The following MYDGF variants were observed in gnomAD, a reference collection of about 807,000 sequenced individuals.
The protein encoded by MYDGF is myeloid-derived growth factor.
In MYDGF, 29 loss-of-function variants were observed where a neutral mutation model predicts 24.2. That is an observed-to-expected ratio of 1.20 (90% confidence interval 0.89 to 1.63). MYDGF has a LOEUF of 1.63. Ranked by LOEUF, MYDGF falls within the 40% of genes most tolerant of loss-of-function variation. The pLI is 0.00. For synonymous variants in MYDGF, 105 were observed against 102.5 expected, an observed-to-expected ratio of 1.02 and a Z score of -0.15; for missense variants, 245 against 234.8, an observed-to-expected ratio of 1.04 and a Z score of -0.29.
chr19:4,659,157 C>G (rs1186157752), intron 5 of MYDGF, among the ~76,000 whole-genome samples: 1 of 152,072 alleles, frequency 6.6e-6, no homozygotes, highest in Non-Finnish European at 1.5e-5. Context: ...CTCAATGCAG[C>G]CTCGACCTCC....
At chr19:4,658,117 A>G in intron 5 of MYDGF, 33 bp from the exon 6 acceptor site, 1 of 1,582,950 alleles carries the variant, frequency 6.3e-7, no homozygotes, top group Non-Finnish European at 8.6e-7. Flanking sequence ...TGGGCCCTCA[A>G]CATTGAAAAT....
intron 5 of MYDGF, 147 bp downstream of exon 5, chr19:4,659,784 C>T (rs746935481): frequency 1.2e-4 from 88 of 709,536 alleles, no homozygotes; most frequent in Non-Finnish European, 1.9e-4. Context: ...AAGATATTGA[C>T]GAGGTGGCCT....
Position 4,670,187 on chromosome 19 carries a change from A to G in MYDGF, c.148T>C (p.Ser50Pro). 1 of 1,554,998 alleles carries G rather than the reference A, an allele frequency of 6.4e-7. No homozygotes were observed. ...CCCGGGCCCACGTTATGGGAGAAGG[A>G]ATGCACGACGCCGCCGGGCCGCACG... ...FDVRPGGVVH[S>P]FSHNVGPGDK... is the part of the protein sequence containing the mutation. Residue 50 changes from serine (S) to proline (P), a missense_variant, in exon 1 of 6, where the codon TCC (serine) becomes CCC (proline). Transcript: ENST00000262947.
chr19:4,662,173 G>C (rs1490959942), intron 3 of MYDGF, among the ~76,000 whole-genome samples: 3 of 152,126 alleles, frequency 2.0e-5, no homozygotes, highest in Non-Finnish European at 4.4e-5. Context: ...GGGCACGGCG[G>C]GACAACACCC....
At chr19:4,663,462 CCT>C (rs2088490966) in intron 3 of MYDGF, among the ~76,000 whole-genome samples, 1 of 126,568 alleles carries the variant, frequency 7.9e-6, no homozygotes, top group Non-Finnish European at 1.7e-5. Flanking sequence ...TCCAATCTAC[CCT>C]CCCCACCCCA....
chr19:4,657,770 C>G lies in MYDGF; in HGVS notation c.*235G>C, dbSNP rs565414922. ...CTGCGATCCTGAGTCCAGAAGAGCTCAGCAGGAAGTGGGAACTGAGAAGCT... is the reference window on the plus strand; with the variant it reads ...CTGCGATCCTGAGTCCAGAAGAGCTGAGCAGGAAGTGGGAACTGAGAAGCT... On this transcript the variant is annotated 3_prime_UTR_variant, in exon 6 of 6. Transcript: ENST00000262947. The G allele has an allele frequency of 1.6e-4, 66 of 410,684 alleles. No homozygotes were observed. The highest frequency in any genetic ancestry group is 2.5e-4 in the Non-Finnish European group (57 of 223,860). The allele number at this position is 410,684 out of a possible 1,614,324, so 25.4% of individuals were successfully genotyped here. A position where few individuals can be genotyped will look rare whatever the true frequency, so the allele number is the denominator to read the frequency against.
At chr19:4,660,556 C>T (rs1345985632) in intron 4 of MYDGF, 113 bp downstream of exon 4, 24 of 1,007,286 alleles carry the variant, frequency 2.4e-5, no homozygotes, top group South Asian at 7.2e-5. Context: ...CTGCAGGATT[C>T]GCTGTCCCCT....
rs1422270970 is a variant in MYDGF, at chr19:4,658,092, A to G, written c.443-8T>C. The stretch of plus-strand genomic sequence containing the variant: ...CCCCGGGCCTGTGAGCCACTGCAAG[A>G]AAGAAACACATGGTTGGGCCCTCAA... On this transcript the variant is annotated splice_polypyrimidine_tract_variant and splice_region_variant and intron_variant, in intron 5 of 5. Coordinates refer to ENST00000262947, the MANE Select transcript of MYDGF (RefSeq NM_019107.4). 6.2e-7 allele frequency: 1 copy of G among 1,606,776 alleles called. No homozygotes were observed. Among genetic ancestry groups the G allele is most frequent in the African/African-American group, 1.3e-5 (1 of 74,852 alleles).
At chr19:4,663,701 TAC>T (rs1412594232) in intron 3 of MYDGF, among the ~76,000 whole-genome samples, 11 of 78,494 alleles carry the variant, frequency 1.4e-4, no homozygotes, top group Non-Finnish European at 2.5e-4. Flanking sequence ...GTCCTCATTC[TAC>T]ACAGTCTCCA....
intron 3 of MYDGF, among the ~76,000 whole-genome samples, chr19:4,662,912 C>A (rs182915728): frequency 7.2e-5 from 11 of 152,108 alleles, no homozygotes; most frequent in South Asian, 2.1e-4. Context: ...CAGGACTCTG[C>A]CCAGCACCTT....
chr19:4,664,811 C>A, intron 3 of MYDGF, 65 bp downstream of exon 3: 1 of 1,563,832 alleles, frequency 6.4e-7, no homozygotes, highest in South Asian at 1.1e-5. Flanking sequence ...CCTTCCAAAG[C>A]AGCTCCTGAG....
At chr19:4,667,052 G>A (rs976380926) in intron 2 of MYDGF, among the ~76,000 whole-genome samples, 104 of 151,648 alleles carry the variant, frequency 6.9e-4, no homozygotes, top group Non-Finnish European at 4.4e-5. Flanking sequence ...TAGAGGCCGC[G>A]TGTATTCCCT....
At chr19:4,661,109 G>A (rs1488715932) in intron 3 of MYDGF, among the ~76,000 whole-genome samples, 1 of 151,968 alleles carries the variant, frequency 6.6e-6, no homozygotes, top group African/African-American at 2.4e-5. Flanking sequence ...TGGGAGTACA[G>A]GCACCCGCGA....
intron 1 of MYDGF, 107 bp downstream of exon 1, chr19:4,670,054 C>T: frequency 8.0e-7 from 1 of 1,243,846 alleles, no homozygotes; most frequent in African/African-American, 1.6e-5. Flanking sequence ...TTCTTCAGTA[C>T]CCACCTCCGC....
chr19:4,661,348 C>A (rs2088469613), intron 3 of MYDGF, among the ~76,000 whole-genome samples: 1 of 152,118 alleles, frequency 6.6e-6, no homozygotes, highest in African/African-American at 2.4e-5. Flanking sequence ...GGGACAGGAC[C>A]CCATGTCCAT....
chr19:4,659,632 G>T, intron 5 of MYDGF: 1 of 493,628 alleles, frequency 2.0e-6, no homozygotes. Context: ...GAGCAGCTGC[G>T]GTAACAGGCA....
intron 5 of MYDGF, among the ~76,000 whole-genome samples, chr19:4,659,161 G>A (rs2088449265): frequency 6.6e-6 from 1 of 151,906 alleles, no homozygotes; most frequent in South Asian, 2.1e-4. Context: ...ATGCAGCCTC[G>A]ACCTCCTGGG....
At chr19:4,662,180 AC>A (rs1199999785) in intron 3 of MYDGF, among the ~76,000 whole-genome samples, 1 of 152,052 alleles carries the variant, frequency 6.6e-6, no homozygotes, top group African/African-American at 2.4e-5. Context: ...GCGGGACAAC[AC>A]CCACACGAGG....
At chr19:4,667,182 G>A (rs1460823484) in intron 2 of MYDGF, among the ~76,000 whole-genome samples, 1 of 142,934 alleles carries the variant, frequency 7.0e-6, no homozygotes, top group East Asian at 2.1e-4. Flanking sequence ...AGGATGGAGT[G>A]CAGTGGCGCG....
Sources: allele counts gnomAD v4.1 joint callset (sites outside exome capture counted in the v4.1 genomes callset), GRCh38; gene constraint gnomAD v4.1.1; transcripts MANE v1.5; gene names NCBI Gene and HGNC (gene_info 2026-07-23, HGNC 2026-07-21).